Variants in LIPH observed in about 807,000 individuals in gnomAD.
LIPH encodes the protein lipase member H.
In LIPH, 32 loss-of-function variants were observed where a neutral mutation model predicts 47.6. The observed-to-expected ratio is 0.67, with a 90% CI of 0.51 to 0.90. LIPH has a LOEUF of 0.90. Ranked by LOEUF, LIPH falls within the 40% of genes least tolerant of loss-of-function variation. LIPH has a pLI of 0.00. For missense variants in LIPH, 497 were observed against 541.4 expected, an observed-to-expected ratio of 0.92 and a Z score of 0.81; for synonymous variants, 190 against 195.6, an observed-to-expected ratio of 0.97 and a Z score of 0.24.
rs1189339818 is a variant in LIPH, at chr3:185,509,386, T to C, written c.1269-509A>G. On this transcript the variant is annotated intron_variant, in intron 9 of 9. Coordinates refer to ENST00000296252, the MANE Select transcript of LIPH (RefSeq NM_139248.3). ...GTTCACGCTTGTAATCCCAGCACTT[T>C]GGGAGGCCAAGGCGGGTGGATCACC... is the stretch of plus-strand genomic sequence containing the variant. Among the ~76,000 whole-genome samples the C allele has an allele frequency of 3.3e-5, 5 of 152,116 alleles. No homozygotes were observed. In the East Asian group the frequency reaches 7.7e-4, roughly 23 times the overall value.
chr3:185,518,709 T>A (rs1037692426), intron 6 of LIPH, among the ~76,000 whole-genome samples: 11 of 152,070 alleles, frequency 7.2e-5, no homozygotes, highest in East Asian at 3.8e-4. Context: ...AATTTTTTTT[T>A]AAATTTTAAC....
intron 1 of LIPH, among the ~76,000 whole-genome samples, chr3:185,544,038 A>G (rs1720793893): frequency 6.6e-6 from 1 of 151,764 alleles, no homozygotes; most frequent in Non-Finnish European, 1.5e-5. Flanking sequence ...TTTAGTAGAG[A>G]CAGGGTTTCA....
At chr3:185,544,501 C>T (rs1241206086) in intron 1 of LIPH, among the ~76,000 whole-genome samples, 2 of 151,926 alleles carry the variant, frequency 1.3e-5, no homozygotes, top group African/African-American at 4.8e-5. Context: ...ATTACAGGCG[C>T]CCACCACCAC....
At position 185,508,525 on chromosome 3, in the gene LIPH, A is replaced by T. The variant is rs1719452493; in HGVS notation, c.*265T>A. On this transcript the variant is annotated 3_prime_UTR_variant, in exon 10 of 10. Transcript: ENST00000296252. ...CAGAATTGACAGGTCGGAACAAGGG[A>T]GGCCCCAGGACACAGCAGACACAGC... The T allele has an allele frequency of 2.1e-6, 1 of 468,782 alleles. No homozygotes were observed. Among genetic ancestry groups the T allele is most frequent in the Non-Finnish European group, 3.9e-6 (1 of 255,984 alleles). 29.0% of individuals were successfully genotyped at this position (468,782 alleles called of 1,614,324 possible).
chr3:185,529,542 G>A (rs1448423738), intron 3 of LIPH, among the ~76,000 whole-genome samples: 1 of 148,990 alleles, frequency 6.7e-6, no homozygotes, highest in Non-Finnish European at 1.5e-5. Context: ...TTTCCCAAAA[G>A]GCCGGGATTA....
intron 4 of LIPH, among the ~76,000 whole-genome samples, chr3:185,524,450 CTTTT>C (rs563332434): frequency 1.4e-5 from 2 of 138,176 alleles, no homozygotes; most frequent in Admixed American, 7.3e-5. Context: ...CATTTCTTCT[CTTTT>C]TTTTTTTTTT....
In LIPH at chr3:185,545,485, C is replaced by A. The variant is rs557493624; in HGVS notation, c.49+6938G>T. On this transcript the variant is annotated intron_variant, in intron 1 of 9. Coordinates refer to ENST00000296252, the MANE Select transcript of LIPH (RefSeq NM_139248.3). ...TATATTGTCCACGGCTACTTTCCTG[C>A]TCTAAAGGCAGAGCTGAATGGCTAT... is the stretch of plus-strand genomic sequence containing the variant. Among the ~76,000 whole-genome samples, 7 of 152,334 alleles carry A rather than the reference C, an allele frequency of 4.6e-5. No individual in the cohort carries two copies. The East Asian group carries it at 1.3e-3, about 29-fold the overall frequency.
chr3:185,518,581 AC>A (rs1259607643), intron 6 of LIPH, among the ~76,000 whole-genome samples: 1 of 151,960 alleles, frequency 6.6e-6, no homozygotes, highest in African/African-American at 2.4e-5. Context: ...TGCCCAGTCT[AC>A]ATTGCTTTCT....
intron 3 of LIPH, among the ~76,000 whole-genome samples, chr3:185,531,657 G>A (rs1210707795): frequency 1.3e-5 from 2 of 151,854 alleles, no homozygotes; most frequent in African/African-American, 4.8e-5. Flanking sequence ...ACCGCAGGAG[G>A]ATTGCTTGAG....
At chr3:185,530,945 T>A (rs927724483) in intron 3 of LIPH, among the ~76,000 whole-genome samples, 1 of 152,124 alleles carries the variant, frequency 6.6e-6, no homozygotes, top group Non-Finnish European at 1.5e-5. Flanking sequence ...GAATAAAACA[T>A]CTGAAGCAGG....
At position 185,534,983 on chromosome 3, in the gene LIPH, C is replaced by T. The variant is rs1720459114; in HGVS notation, c.199G>A (p.Val67Met). ...ACAATGAAGGTGGTTTTCTTGGTCA[C>T]ATTCAAGTTCCCAAAAGCTGAGGAG... ...INSSAFGNLNVTKKTTFIVHG... is the reference protein window; with the variant it reads ...INSSAFGNLNMTKKTTFIVHG... Residue 67 changes from valine to methionine, a missense_variant, in exon 2 of 10, where the codon GTG (valine) becomes ATG (methionine). Val to Met is a conservative substitution (Grantham distance 21). Transcript: ENST00000296252. 3 of 1,613,900 alleles carry T rather than the reference C, an allele frequency of 1.9e-6. No individual in the cohort carries two copies. The highest frequency in any genetic ancestry group is 2.5e-6 in the Non-Finnish European group (3 of 1,179,896).
chr3:185,520,556 C>T (rs1719872636), intron 5 of LIPH, among the ~76,000 whole-genome samples: 2 of 151,784 alleles, frequency 1.3e-5, no homozygotes. Context: ...AAATCATTAA[C>T]TAATTCCTCT....
chr3:185,541,586 G>C (rs1018974771), intron 1 of LIPH, among the ~76,000 whole-genome samples: 13 of 150,908 alleles, frequency 8.6e-5, no homozygotes, highest in African/African-American at 2.9e-4. Flanking sequence ...TTTGAATTTT[G>C]GTAGAGATGA....
At position 185,519,896 on chromosome 3, in the gene LIPH, G is replaced by C. The variant is rs201578974; in HGVS notation, c.719-587C>G. On this transcript the variant is annotated intron_variant, in intron 5 of 9. Transcript: ENST00000296252. Reference sequence around the variant, plus strand: ...CCTTGATTGCTCACGTAGCAATCGAGGTATCTTTCACTGTCATCCAATGCT... The same window carrying C: ...CCTTGATTGCTCACGTAGCAATCGACGTATCTTTCACTGTCATCCAATGCT... 2.8e-5 allele frequency among the ~76,000 whole-genome samples: 4 copies of C among 143,506 alleles called. No individual in the cohort carries two copies. The East Asian group carries it at 8.4e-4, about 30-fold the overall frequency. The allele number at this position is 143,506 out of a possible 152,430, so 94.1% of individuals were successfully genotyped here.
At chr3:185,522,454 G>A (rs1719920771) in intron 5 of LIPH, among the ~76,000 whole-genome samples, 1 of 148,092 alleles carries the variant, frequency 6.8e-6, no homozygotes, top group Non-Finnish European at 1.5e-5. Context: ...AAGGAAGGAA[G>A]GAAGAAGGAA....
chr3:185,528,637 C>A (rs1409729230), intron 3 of LIPH, among the ~76,000 whole-genome samples: 2 of 152,146 alleles, frequency 1.3e-5, no homozygotes, highest in Non-Finnish European at 2.9e-5. Flanking sequence ...GTTTAGCAAG[C>A]TCGGCAGGAG....
chr3:185,535,477 C>T (rs1011064780), intron 1 of LIPH, among the ~76,000 whole-genome samples: 12 of 152,156 alleles, frequency 7.9e-5, no homozygotes, highest in African/African-American at 2.7e-4. Flanking sequence ...GGGTTTTCAC[C>T]ATGTTGGCCA....
intron 4 of LIPH, among the ~76,000 whole-genome samples, chr3:185,526,826 C>T (rs1720119830): frequency 6.6e-6 from 1 of 151,830 alleles, no homozygotes; most frequent in African/African-American, 2.4e-5. Flanking sequence ...ACCTGCAGCT[C>T]AAGAAAATAA....
chr3:185,524,039 A>G, intron 5 of LIPH, 32 bp downstream of exon 5: 2 of 1,485,474 alleles, frequency 1.3e-6, no homozygotes, highest in Non-Finnish European at 1.9e-6. Flanking sequence ...ATGCCTTTTT[A>G]TACCACTATT....
Sources: allele counts gnomAD v4.1 joint callset (sites outside exome capture counted in the v4.1 genomes callset), GRCh38; gene constraint gnomAD v4.1.1; transcripts MANE v1.5; gene names NCBI Gene and HGNC (gene_info 2026-07-23, HGNC 2026-07-21).